Variants in PRICKLE2 observed in about 807,000 individuals in gnomAD.
PRICKLE2 encodes the protein prickle planar cell polarity protein 2.
PRICKLE2 carries 21 observed loss-of-function variants against 81.4 expected under a neutral mutation model. That is an observed-to-expected ratio of 0.26 (90% CI 0.18 to 0.37). The LOEUF is 0.37. PRICKLE2 is among the 10% of genes least tolerant of loss of function. PRICKLE2 has a pLI of 1.00. For synonymous variants in PRICKLE2, 456 were observed against 421.5 expected, an observed-to-expected ratio of 1.08 and a Z score of -1.00; for missense variants, 940 against 1,109.0, an observed-to-expected ratio of 0.85 and a Z score of 2.16.
At chr3:64,164,823 C>T (rs767002104) in intron 2 of PRICKLE2, among the ~76,000 whole-genome samples, 9 of 152,132 alleles carry the variant, frequency 5.9e-5, no homozygotes, top group Non-Finnish European at 1.3e-4. Flanking sequence ...AAGTAAAAGC[C>T]CAGATCACTA....
Position 64,160,019 on chromosome 3 carries a change from C to A in PRICKLE2, c.317G>T (p.Ser106Ile), listed in dbSNP as rs2077706187. The A allele has an allele frequency of 6.2e-7, 1 of 1,614,068 alleles. No homozygotes were observed. Among genetic ancestry groups the A allele is most frequent in the South Asian group, 1.1e-5 (1 of 91,084 alleles). Residue 106 changes from serine (S) to isoleucine (I), a missense_variant, in exon 4 of 8, where the codon AGC (serine) becomes ATC (isoleucine). By Grantham distance (142) the Ser-to-Ile change is moderately radical. Coordinates refer to ENST00000638394, the MANE Select transcript of PRICKLE2 (RefSeq NM_198859.4). ...GCCCAAGTTTTCGCGTTTCCTCTGG[C>A]TGCTGAAAAGCTTCAGCTCCCTCTT... is the stretch of plus-strand genomic sequence containing the variant. ...EEKRELKLFS[S>I]QRKRENLGRG... is the part of the protein sequence containing the mutation.
chr3:64,214,878 G>A (rs1463269741), intron 1 of PRICKLE2, among the ~76,000 whole-genome samples: 1 of 152,108 alleles, frequency 6.6e-6, no homozygotes, highest in Admixed American at 6.5e-5. Flanking sequence ...AGCCGGGACC[G>A]TGGACTTCCT....
At chr3:64,227,423 G>C (rs2079045921), upstream of PRICKLE2, among the ~76,000 whole-genome samples, 1 of 152,094 alleles carries the variant, frequency 6.6e-6, no homozygotes, top group Non-Finnish European at 1.5e-5. Flanking sequence ...CTTAAAAATG[G>C]GTACACTACT....
chr3:64,268,117 T>G (rs1240790176), intron 2 of PRICKLE2: 1 of 152,186 alleles, frequency 6.6e-6, no homozygotes, highest in Non-Finnish European at 1.5e-5. Context: ...AGCTGCTCTG[T>G]GCGCAGCTCC....
chr3:64,120,976 A>G (rs1390403197), intron 7 of PRICKLE2, among the ~76,000 whole-genome samples: 1 of 152,238 alleles, frequency 6.6e-6, no homozygotes, highest in Admixed American at 6.5e-5. Context: ...AAAGACCTTG[A>G]ACAGGGCCAT....
intron 2 of PRICKLE2, among the ~76,000 whole-genome samples, chr3:64,178,999 C>CTTTCTTTA (rs1350267867): frequency 6.8e-6 from 1 of 147,822 alleles, no homozygotes; most frequent in Non-Finnish European, 1.5e-5. Flanking sequence ...TTCTTTCTTT[C>CTTTCTTTA]TTTCTTTCTT....
Position 64,118,230 on chromosome 3 carries a change from A to T in PRICKLE2, c.1661-18305T>A, listed in dbSNP as rs111920660. ...TTAAAGACTTAACTGTAAAAACCTA[A>T]ACTATAAAAACCTTGAAGAAAACCT... is the stretch of plus-strand genomic sequence containing the variant. On this transcript the variant is annotated intron_variant, in intron 7 of 7. Coordinates refer to ENST00000638394, the MANE Select transcript of PRICKLE2 (RefSeq NM_198859.4). Among the ~76,000 whole-genome samples, 430 of 152,322 alleles carry T rather than the reference A, an allele frequency of 2.8e-3. 3 individuals carry two copies. Among genetic ancestry groups the T allele is most frequent in the Middle Eastern group, 6.8e-3 (2 of 294 alleles).
chr3:64,222,720 A>T (rs2078975743), intron 1 of PRICKLE2, among the ~76,000 whole-genome samples: 1 of 152,232 alleles, frequency 6.6e-6, no homozygotes, highest in South Asian at 2.1e-4. Flanking sequence ...CAGGTTAAGC[A>T]CATATTCAAT....
At chr3:64,217,017 G>A (rs1484799645) in intron 1 of PRICKLE2, among the ~76,000 whole-genome samples, 5 of 152,164 alleles carry the variant, frequency 3.3e-5, no homozygotes. Flanking sequence ...ACTCTTGCTG[G>A]ATAAGCTGTC....
At chr3:64,153,486 T>A in intron 5 of PRICKLE2, 118 bp from the exon 6 acceptor site, 1 of 912,374 alleles carries the variant, frequency 1.1e-6, no homozygotes, top group Non-Finnish European at 1.7e-6. Context: ...TACTCACAAA[T>A]AATTAAACAA....
At chr3:64,131,136 C>G (rs1424643168) in intron 7 of PRICKLE2, among the ~76,000 whole-genome samples, 1 of 152,306 alleles carries the variant, frequency 6.6e-6, no homozygotes, top group Non-Finnish European at 1.5e-5. Context: ...TGGTCCCAGT[C>G]GCTGAATTTG....
chr3:64,116,413 G>T (rs1419159082), intron 7 of PRICKLE2, among the ~76,000 whole-genome samples: 1 of 151,702 alleles, frequency 6.6e-6, no homozygotes, highest in Non-Finnish European at 1.5e-5. Flanking sequence ...TCCAGGAGCT[G>T]GTTTTCTTGA....
At chr3:64,254,615 T>C (rs562543874) in intron 2 of PRICKLE2, among the ~76,000 whole-genome samples, 1 of 152,364 alleles carries the variant, frequency 6.6e-6, no homozygotes, top group African/African-American at 2.4e-5. Flanking sequence ...TCATGGATTT[T>C]TGTTCTTCCA....
At chr3:64,233,970 T>G (rs1276991058) in intron 2 of PRICKLE2, among the ~76,000 whole-genome samples, 1 of 152,180 alleles carries the variant, frequency 6.6e-6, no homozygotes, top group African/African-American at 2.4e-5. Flanking sequence ...CCTAGTGTAT[T>G]TTTGGTTCAT....
At chr3:64,217,496 C>A (rs1175368591) in intron 1 of PRICKLE2, among the ~76,000 whole-genome samples, 1 of 152,172 alleles carries the variant, frequency 6.6e-6, no homozygotes, top group African/African-American at 2.4e-5. Flanking sequence ...AGAACATTCA[C>A]ATTCGTAAGA....
At chr3:64,150,685 C>T (rs2077531051) in intron 6 of PRICKLE2, among the ~76,000 whole-genome samples, 2 of 152,196 alleles carry the variant, frequency 1.3e-5, no homozygotes, top group African/African-American at 4.8e-5. Flanking sequence ...GTTAGAGGTA[C>T]ACAGGAAGTC....
In PRICKLE2 at chr3:64,099,782, C is replaced by T. The variant is rs772970017; in HGVS notation, c.1804G>A (p.Ala602Thr). The T allele has an allele frequency of 4.3e-6, 7 of 1,614,070 alleles. No individual in the cohort carries two copies. The highest frequency in any genetic ancestry group is 2.7e-5 in the African/African-American group (2 of 74,922). ...GAGAGCAGGCTGCGAACTGACTCTGCGCTCCGGAACTGCATGGACGAGTTA... is the reference window on the plus strand; with the variant it reads ...GAGAGCAGGCTGCGAACTGACTCTGTGCTCCGGAACTGCATGGACGAGTTA... Reference protein sequence around the residue: ...TLNSSMQFRSAESVRSLLSAQ... With the variant: ...TLNSSMQFRSTESVRSLLSAQ... Residue 602 changes from alanine to threonine, a missense_variant, in exon 8 of 8, where the codon GCA (alanine) becomes ACA (threonine). Transcript: ENST00000638394. This position sits in a 1 kb window ranked among gnomAD's most constrained non-coding sequence, Gnocchi z 4.3.
rs1291666958 is a variant in PRICKLE2 at position 64,254,030 on chromosome 3, T to C, written c.129-55063A>G. ...TCAGATGGATGGAGGTTTGTAATAA[T>C]ACAGGTATATGTTTCGGGGCAGCCA... On this transcript the variant is annotated intron_variant, in intron 2 of 8. Coordinates refer to the PRICKLE2 transcript ENST00000295902. Among the ~76,000 whole-genome samples the C allele has an allele frequency of 2.0e-5, 3 of 152,182 alleles. No individual in the cohort carries two copies. The East Asian group carries it at 5.8e-4, about 29-fold the overall frequency.
At chr3:64,156,672 T>C (rs1474940865) in intron 5 of PRICKLE2, among the ~76,000 whole-genome samples, 3 of 152,190 alleles carry the variant, frequency 2.0e-5, no homozygotes, top group African/African-American at 7.2e-5. Context: ...TCCTGAATTT[T>C]TTTTTCACTC....
Sources: allele counts gnomAD v4.1 joint callset (sites outside exome capture counted in the v4.1 genomes callset), GRCh38; gene constraint gnomAD v4.1.1; non-coding constraint Gnocchi (gnomAD v3.1); transcripts MANE v1.5; gene names NCBI Gene and HGNC (gene_info 2026-07-23, HGNC 2026-07-21).